The following PLEKHS1 variants were observed in gnomAD, a reference collection of about 807,000 sequenced individuals.
PLEKHS1 encodes pleckstrin homology domain-containing family S member 1.
A neutral mutation model predicts 51.0 loss-of-function variants in PLEKHS1; 55 were observed. The ratio of observed to expected loss-of-function variants is 1.08; its 90% CI spans 0.87 to 1.35. The LOEUF is 1.35. PLEKHS1 is among the 40% of genes most tolerant of loss of function. The pLI is 0.00. For synonymous variants in PLEKHS1, 153 were observed against 144.8 expected (o/e 1.06, Z -0.41); for missense variants, 398 against 423.0 (o/e 0.94, Z 0.52).
chr10:113,776,196 T>C (rs968379339), intron 11 of PLEKHS1, among the ~76,000 whole-genome samples: 2 of 152,060 alleles, frequency 1.3e-5, no homozygotes, highest in Non-Finnish European at 1.5e-5. Context: ...AATGAGTATT[T>C]GATGAATGAG....
At position 113,755,192 on chromosome 10, in the gene PLEKHS1, C is replaced by T. The variant is rs111466486; in HGVS notation, c.-19-67C>T. ...CACAATCCTGATACTCACTGACCAG[C>T]GGTGGCTGGTCAATGAAACACACGT... On this transcript the variant is annotated intron_variant, in intron 1 of 11. Transcript: ENST00000361048. 1.1e-5 allele frequency: 16 copies of T among 1,517,840 alleles called. No individual in the cohort carries two copies. The East Asian group carries it at 1.2e-4, about 11-fold the overall frequency. 94.0% of individuals were successfully genotyped at this position (1,517,840 alleles called of 1,614,324 possible). A position where few individuals can be genotyped will look rare whatever the true frequency, so the allele number is the denominator to read the frequency against.
intron 5 of PLEKHS1, among the ~76,000 whole-genome samples, chr10:113,768,239 C>G (rs375806304): frequency 2.6e-5 from 4 of 152,092 alleles, no homozygotes; most frequent in African/African-American, 7.2e-5. Flanking sequence ...AGCAAAGGTG[C>G]CTAGTGGACT....
At position 113,775,050 on chromosome 10, in the gene PLEKHS1, T is replaced by G; in HGVS notation, c.989+15T>G. ...ATATTAATCAAGTAAAGCTCTAATT[T>G]CTAAAACTTGATGGGCCCTAAGAGC... On this transcript the variant is annotated intron_variant, in intron 10 of 11. Transcript: ENST00000361048. The G allele has an allele frequency of 6.2e-7, 1 of 1,609,752 alleles. No individual in the cohort carries two copies.
At chr10:113,771,444 C>T (rs1001842956) in intron 7 of PLEKHS1, among the ~76,000 whole-genome samples, 3 of 152,002 alleles carry the variant, frequency 2.0e-5, no homozygotes, top group South Asian at 2.1e-4. Flanking sequence ...GAGGCTGAGG[C>T]GGGTGGATCA....
In PLEKHS1 at chr10:113,752,223, A is replaced by T. The variant is rs559056498; in HGVS notation, c.-20+462A>T. The stretch of plus-strand genomic sequence containing the variant: ...TACATGATCAAAGTAAAGTTGTTTA[A>T]TCTCTCCGATAACCATTTCCTCGTC... On this transcript the variant is annotated intron_variant, in intron 1 of 11. Transcript: ENST00000361048. 3.3e-5 allele frequency among the ~76,000 whole-genome samples: 5 copies of T among 152,286 alleles called. No individual in the cohort carries two copies. In the East Asian group the frequency reaches 7.7e-4, roughly 24 times the overall value.
exon 4 of PLEKHS1, chr10:113,766,661 G>C: frequency 6.2e-7 from 1 of 1,613,122 alleles, no homozygotes; most frequent in Non-Finnish European, 8.5e-7. Context: ...GGGGAAAAGA[G>C]CTTTAGTCTT....
intron 11 of PLEKHS1, among the ~76,000 whole-genome samples, chr10:113,778,645 T>TTC (rs1223374313): frequency 1.5e-5 from 2 of 135,710 alleles, no homozygotes; most frequent in Admixed American, 7.0e-5. Context: ...TTCACTTTCT[T>TTC]TTTTTTTTTT....
At chr10:113,768,698 C>A in intron 5 of PLEKHS1, 117 bp from the exon 6 acceptor site, 1 of 742,492 alleles carries the variant, frequency 1.3e-6, no homozygotes, top group Non-Finnish European at 2.1e-6. Context: ...AGGAAAAATT[C>A]TTATTTCGCT....
chr10:113,771,465 A>C (rs1445154261), intron 7 of PLEKHS1, among the ~76,000 whole-genome samples: 5 of 151,944 alleles, frequency 3.3e-5, no homozygotes, highest in Non-Finnish European at 7.4e-5. Context: ...CGAGGTCAGG[A>C]GTTTGAGACC....
chr10:113,774,916 G>T, exon 10 of PLEKHS1: 2 of 1,614,160 alleles, frequency 1.2e-6, no homozygotes, highest in African/African-American at 1.3e-5. Context: ...ACCTCCACCT[G>T]CAAGAACAAG....
At chr10:113,767,995 C>G (rs1844238353) in intron 5 of PLEKHS1, among the ~76,000 whole-genome samples, 2 of 152,150 alleles carry the variant, frequency 1.3e-5, no homozygotes, top group Admixed American at 1.3e-4. Flanking sequence ...TGCAACAACC[C>G]TCTTTCCAAA....
chr10:113,754,170 G>C (rs1161643503), intron 1 of PLEKHS1, among the ~76,000 whole-genome samples: 1 of 152,120 alleles, frequency 6.6e-6, no homozygotes, highest in Admixed American at 6.6e-5. Context: ...AAGAATTGCT[G>C]TAAGTCATCT....
chr10:113,782,585 G>A (rs1039758793), downstream of PLEKHS1: 1 of 152,060 alleles, frequency 6.6e-6, no homozygotes, highest in African/African-American at 2.4e-5. Flanking sequence ...CGCTGTTCTC[G>A]TGATAGTAAG....
At chr10:113,780,310 C>A (rs997303087) in intron 11 of PLEKHS1, among the ~76,000 whole-genome samples, 3 of 152,118 alleles carry the variant, frequency 2.0e-5, no homozygotes, top group African/African-American at 7.2e-5. Context: ...TTTGAAGAGG[C>A]CTTTTTAATT....
intron 11 of PLEKHS1, among the ~76,000 whole-genome samples, chr10:113,779,003 A>C (rs866522731): frequency 1.3e-5 from 2 of 152,340 alleles, no homozygotes; most frequent in Middle Eastern, 3.4e-3. Flanking sequence ...AAATGGCCTC[A>C]GCCTGAGCTG....
chr10:113,756,835 T>G (rs1854136291), intron 2 of PLEKHS1, among the ~76,000 whole-genome samples: 1 of 152,042 alleles, frequency 6.6e-6, no homozygotes, highest in Non-Finnish European at 1.5e-5. Context: ...GTGCCAGACC[T>G]TGACCGCGTA....
intron 2 of PLEKHS1, among the ~76,000 whole-genome samples, chr10:113,761,754 ATTTT>A (rs141250263): frequency 0.028 from 4,209 of 151,974 alleles, 182 homozygotes; most frequent in African/African-American, 0.097. Context: ...TGTTTTATTT[ATTTT>A]TACTTATTTT....
intron 2 of PLEKHS1, 134 bp downstream of exon 2, chr10:113,755,439 T>C (rs768810216): frequency 5.0e-5 from 70 of 1,412,970 alleles, no homozygotes; most frequent in Non-Finnish European, 6.1e-5. Context: ...TTTGAGACAG[T>C]CTTGCTCTGT....
At chr10:113,774,060 C>T (rs1844538077) in intron 8 of PLEKHS1, among the ~76,000 whole-genome samples, 167 bp from the exon 9 acceptor site, 1 of 152,216 alleles carries the variant, frequency 6.6e-6, no homozygotes, top group Non-Finnish European at 1.5e-5. Context: ...TTTGCTGGTT[C>T]AGTCTCGCGG....
Sources: gnomAD v4.1 joint callset for allele counts (sites outside exome capture counted in the v4.1 genomes callset) on GRCh38, gnomAD v4.1.1 for gene constraint, MANE v1.5 for transcripts, NCBI Gene and HGNC (gene_info 2026-07-23, HGNC 2026-07-21) for gene names.